Variants in CDH13 observed in about 807,000 individuals in gnomAD.
CDH13 encodes cadherin 13, also known as cadherin-13.
A neutral mutation model predicts 63.8 loss-of-function variants in CDH13; 24 were observed. The observed-to-expected ratio is 0.38, with a 90% CI of 0.27 to 0.53. CDH13 has a LOEUF of 0.53. Among genes scored for constraint, CDH13 ranks in the 20% least tolerant of loss-of-function variants. The pLI is 0.85. For missense variants in CDH13, 1,049 were observed against 903.1 expected (o/e 1.16, Z -2.07); for synonymous variants, 503 against 355.3 (o/e 1.42, Z -4.67).
chr16:83,115,284 A>C (rs796546759), intron 3 of CDH13, among the ~76,000 whole-genome samples: 7 of 152,324 alleles, frequency 4.6e-5, no homozygotes, highest in African/African-American at 1.7e-4. Flanking sequence ...TCTGCCAGCA[A>C]GTCGTTGAAT....
chr16:83,293,170 C>T (rs999485140), intron 5 of CDH13, among the ~76,000 whole-genome samples: 5 of 152,092 alleles, frequency 3.3e-5, no homozygotes, highest in East Asian at 1.9e-4. Context: ...CTTTTATGAG[C>T]GGTCTTTGCA....
At chr16:82,815,061 C>G (rs1430684277) in intron 1 of CDH13, among the ~76,000 whole-genome samples, 1 of 151,832 alleles carries the variant, frequency 6.6e-6, no homozygotes, top group Non-Finnish European at 1.5e-5. Flanking sequence ...TAATAAATAT[C>G]TCATTCATTT....
At chr16:83,653,541 A>G (rs1192063418) in intron 8 of CDH13, among the ~76,000 whole-genome samples, 4 of 152,132 alleles carry the variant, frequency 2.6e-5, no homozygotes, top group East Asian at 1.9e-4. Flanking sequence ...ATTAAAATAT[A>G]TAGAGCTCCT....
At chr16:83,461,237 TTC>T (rs2073174447) in intron 6 of CDH13, among the ~76,000 whole-genome samples, 3 of 152,154 alleles carry the variant, frequency 2.0e-5, no homozygotes, top group African/African-American at 7.2e-5. Flanking sequence ...TATGTACATA[TTC>T]CTATTTATAT....
intron 2 of CDH13, among the ~76,000 whole-genome samples, chr16:82,939,014 A>C (rs1174774993): frequency 1.3e-5 from 2 of 152,212 alleles, no homozygotes; most frequent in Non-Finnish European, 2.9e-5. Context: ...TCAGGCACAG[A>C]ACTGCACATC....
intron 10 of CDH13, chr16:83,735,576 A>C (rs1911467184): frequency 6.6e-6 from 1 of 152,182 alleles, no homozygotes; most frequent in Non-Finnish European, 1.5e-5. Flanking sequence ...TGACTCTTTT[A>C]GATTCCACAG....
chr16:82,791,631 G>A (rs921057533), intron 1 of CDH13, among the ~76,000 whole-genome samples: 5 of 152,136 alleles, frequency 3.3e-5, no homozygotes, highest in South Asian at 2.1e-4. Context: ...TCGCAGACCC[G>A]TGGCTGACTT....
At chr16:82,668,595 A>G (rs943043852) in intron 1 of CDH13, among the ~76,000 whole-genome samples, 1 of 152,180 alleles carries the variant, frequency 6.6e-6, no homozygotes, top group African/African-American at 2.4e-5. Context: ...GTGAACAATG[A>G]TAAGAGTTTG....
intron 7 of CDH13, among the ~76,000 whole-genome samples, chr16:83,503,960 G>T (rs887361957): frequency 3.3e-5 from 5 of 151,754 alleles, no homozygotes; most frequent in African/African-American, 7.3e-5. Flanking sequence ...GTTGGGGGGT[G>T]GGGGGCAAGG....
intron 8 of CDH13, among the ~76,000 whole-genome samples, chr16:83,650,676 G>T (rs1464008477): frequency 6.6e-6 from 1 of 152,134 alleles, no homozygotes; most frequent in East Asian, 1.9e-4. Flanking sequence ...CAATGCACAG[G>T]GCAGCCCCCA....
chr16:83,007,050 A>G (rs1411930212), intron 2 of CDH13, among the ~76,000 whole-genome samples: 1 of 151,888 alleles, frequency 6.6e-6, no homozygotes, highest in Non-Finnish European at 1.5e-5. Flanking sequence ...CAACTTCCCA[A>G]GTAGCTGGGA....
chr16:83,340,457 C>T (rs892549837), intron 5 of CDH13, among the ~76,000 whole-genome samples: 1 of 152,144 alleles, frequency 6.6e-6, no homozygotes, highest in Non-Finnish European at 1.5e-5. Context: ...GACTCAGCCT[C>T]CTGTTTGGAG....
intron 8 of CDH13, among the ~76,000 whole-genome samples, chr16:83,612,781 G>A (rs547363436): frequency 1.3e-5 from 2 of 152,092 alleles, no homozygotes; most frequent in Admixed American, 1.3e-4. Flanking sequence ...GATAATCCAA[G>A]GACTTTAGAA....
intron 10 of CDH13, among the ~76,000 whole-genome samples, chr16:83,738,702 C>T (rs9924507): frequency 0.54 from 81,428 of 151,922 alleles, 22,552 homozygotes; most frequent in East Asian, 0.7. Context: ...GGTCAGGAGT[C>T]TGAGACCAGC....
intron 6 of CDH13, among the ~76,000 whole-genome samples, chr16:83,431,425 C>T (rs2072104882): frequency 6.6e-6 from 1 of 151,804 alleles, no homozygotes; most frequent in Non-Finnish European, 1.5e-5. Flanking sequence ...AGAGAGGAAA[C>T]AGAGCAGAAG....
chr16:83,016,318 A>C (rs1241119472), intron 2 of CDH13, among the ~76,000 whole-genome samples: 1 of 152,240 alleles, frequency 6.6e-6, no homozygotes, highest in African/African-American at 2.4e-5. Flanking sequence ...CTGTAATCAC[A>C]GCTGATGAGT....
intron 1 of CDH13, among the ~76,000 whole-genome samples, chr16:82,695,111 C>T (rs989976655): frequency 6.6e-6 from 1 of 152,052 alleles, no homozygotes; most frequent in Non-Finnish European, 1.5e-5. Context: ...GTACCAGAAG[C>T]AGCTCAGTGG....
chr16:82,972,117 A>G (rs1023601144), intron 2 of CDH13, among the ~76,000 whole-genome samples: 1 of 152,158 alleles, frequency 6.6e-6, no homozygotes, highest in Non-Finnish European at 1.5e-5. Flanking sequence ...GTGAGGCTAA[A>G]TCCCAAAATT....
At chr16:83,218,617 C>G (rs151086931) in intron 5 of CDH13, among the ~76,000 whole-genome samples, 319 of 152,296 alleles carry the variant, frequency 2.1e-3, no homozygotes, top group African/African-American at 7.4e-3. Flanking sequence ...TAGATGCCCT[C>G]TTGTCTTTCT....
Sources: allele counts gnomAD v4.1 joint callset (sites outside exome capture counted in the v4.1 genomes callset), GRCh38; gene constraint gnomAD v4.1.1; transcripts MANE v1.5; gene names NCBI Gene and HGNC (gene_info 2026-07-23, HGNC 2026-07-21).